Variants in CYP27C1 observed in about 807,000 individuals in gnomAD.
CYP27C1 encodes cytochrome P450 family 27 subfamily C member 1, also known as cytochrome P450 27C1.
In CYP27C1, 29 loss-of-function variants were observed where a neutral mutation model predicts 40.6. The ratio of observed to expected loss-of-function variants is 0.71; its 90% confidence interval spans 0.53 to 0.97. CYP27C1 has a LOEUF of 0.97. Among genes scored for constraint, CYP27C1 ranks in the 50% least tolerant of loss-of-function variants. CYP27C1 has a pLI of 0.00. For missense variants in CYP27C1, 390 were observed against 485.8 expected (o/e 0.80, Z 1.85); for synonymous variants, 198 against 186.8 (o/e 1.06, Z -0.49).
rs1683305673 is a variant in CYP27C1, at chr2:127,209,939, A to C, written c.283-3849T>G. Among the ~76,000 whole-genome samples, 1 of 152,250 alleles carries C rather than the reference A, an allele frequency of 6.6e-6. No homozygotes were observed. Among genetic ancestry groups the C allele is most frequent in the Non-Finnish European group, 1.5e-5 (1 of 68,052 alleles). On this transcript the variant is annotated intron_variant, in intron 1 of 8. Transcript: ENST00000664447. This position sits in a 1 kb window ranked among gnomAD's most constrained non-coding sequence, Gnocchi z 4.1. ...AGAATGGAAACAAGCTGGAAAACAC[A>C]CTTCATGATATTATCAAGGAGAACT...
chr2:127,202,317 G>A (rs796623240), intron 3 of CYP27C1, among the ~76,000 whole-genome samples: 90 of 152,124 alleles, frequency 5.9e-4, no homozygotes, highest in African/African-American at 2.1e-3. Flanking sequence ...GTAGAGACAG[G>A]GTTTCACCAT....
At chr2:127,193,042 C>G in intron 8 of CYP27C1, 52 bp downstream of exon 8, 1 of 1,597,296 alleles carries the variant, frequency 6.3e-7, no homozygotes, top group Non-Finnish European at 8.5e-7. Flanking sequence ...CCTGTTGTGC[C>G]CAGTAGAAAG....
At position 127,218,216 on chromosome 2, in the gene CYP27C1, C is replaced by T. The variant is rs997390293; in HGVS notation, c.282+1773G>A. 3.3e-5 allele frequency among the ~76,000 whole-genome samples: 5 copies of T among 152,098 alleles called. No individual in the cohort carries two copies. Among genetic ancestry groups the T allele is most frequent in the Non-Finnish European group, 7.4e-5 (5 of 68,022 alleles). On this transcript the variant is annotated intron_variant, in intron 1 of 8. Coordinates refer to ENST00000664447, the MANE Select transcript of CYP27C1 (RefSeq NM_001367502.1). This position sits in a 1 kb window ranked among gnomAD's most constrained non-coding sequence, Gnocchi z 6.0. ...GCCACACATCCTGACTGGATACAGG[C>T]TTTAACACGGTCCGTCTCAAAGAAA...
At chr2:127,193,414 G>T in intron 7 of CYP27C1, 117 bp from the exon 8 acceptor site, 2 of 1,200,858 alleles carry the variant, frequency 1.7e-6, no homozygotes, top group Non-Finnish European at 2.4e-6. Context: ...GGGGCCGCCC[G>T]GGTCCACTCA....
At position 127,203,570 on chromosome 2, in the gene CYP27C1, C is replaced by T. The variant is rs761661559; in HGVS notation, c.475G>A (p.Glu159Lys). 6.2e-7 allele frequency: 1 copy of T among 1,608,040 alleles called. No homozygotes were observed. Residue 159 changes from glutamate to lysine, a missense_variant and splice_region_variant, in exon 3 of 9, where the codon GAG (glutamate) becomes AAG (lysine). Coordinates refer to ENST00000664447, the MANE Select transcript of CYP27C1 (RefSeq NM_001367502.1). ...RGRATGLISA[E>K]GEQWLKMRSV... ...CTCATCTTGAGCCACTGTTCACCCT[C>T]CCTAGAAGAATCAAGTGAGTTTCAA... is the stretch of plus-strand genomic sequence containing the variant.
Position 127,209,626 on chromosome 2 carries a change from T to A in CYP27C1, c.283-3536A>T, listed in dbSNP as rs1358486811. On this transcript the variant is annotated intron_variant, in intron 1 of 8. Coordinates refer to ENST00000664447, the MANE Select transcript of CYP27C1 (RefSeq NM_001367502.1). The surrounding 1 kb of genome is among the most constrained non-coding windows in gnomAD (Gnocchi z 4.1). ...GAAGCTAAGAACCTTGATAAAAGGT[T>A]AGAGGAACTGCTAACTAGAATAACC... Among the ~76,000 whole-genome samples, 1 of 152,160 alleles carries A rather than the reference T, an allele frequency of 6.6e-6. No individual in the cohort carries two copies. The highest frequency in any genetic ancestry group is 1.5e-5 in the Non-Finnish European group (1 of 68,038).
rs2104686689 is a variant in CYP27C1 at position 127,201,439 on chromosome 2, T to C, written c.674-108A>G. On this transcript the variant is annotated intron_variant, in intron 3 of 8. Coordinates refer to ENST00000664447, the MANE Select transcript of CYP27C1 (RefSeq NM_001367502.1). This position sits in a 1 kb window ranked among gnomAD's most constrained non-coding sequence, Gnocchi z 6.0. ...TCAAACGTGGTCCAGGTGCCTTTCA[T>C]GAATGAGGCATCGTCCCTCTGAGGA... is the stretch of plus-strand genomic sequence containing the variant. 1.0e-6 allele frequency: 1 copy of C among 994,414 alleles called. No individual in the cohort carries two copies. The highest frequency in any genetic ancestry group is 1.6e-5 in the South Asian group (1 of 64,182). The allele number at this position is 994,414 out of a possible 1,614,324, so 61.6% of individuals were successfully genotyped here.
intron 2 of CYP27C1, among the ~76,000 whole-genome samples, chr2:127,204,535 A>AAGAGAGAGAGAG (rs372686054): frequency 4.3e-5 from 2 of 46,946 alleles, no homozygotes; most frequent in African/African-American, 7.3e-5. Flanking sequence ...GAAAGAAAGA[A>AAGAGAGAGAGAG]AGAGAGAGAG....
chr2:127,215,496 G>C (rs1449108825), intron 1 of CYP27C1, among the ~76,000 whole-genome samples: 1 of 152,060 alleles, frequency 6.6e-6, no homozygotes, highest in Non-Finnish European at 1.5e-5. Flanking sequence ...TCCCTAAAGT[G>C]CAAGTAACAA....
chr2:127,190,605 G>T (rs1682745375), intron 8 of CYP27C1, among the ~76,000 whole-genome samples: 1 of 150,030 alleles, frequency 6.7e-6, no homozygotes, highest in Admixed American at 6.6e-5. Flanking sequence ...CTCCCAAAGT[G>T]CTGGGATTAC....
intron 1 of CYP27C1, among the ~76,000 whole-genome samples, chr2:127,210,055 A>C (rs1480613897): frequency 6.6e-6 from 1 of 152,202 alleles, no homozygotes; most frequent in Non-Finnish European, 1.5e-5. Context: ...ACCCCAAGAC[A>C]CATAGTCATC....
intron 1 of CYP27C1, among the ~76,000 whole-genome samples, chr2:127,211,539 C>T (rs998526539): frequency 2.0e-5 from 3 of 151,810 alleles, no homozygotes; most frequent in East Asian, 1.9e-4. Flanking sequence ...CCCGCTACCA[C>T]GCCCAGCTAA....
Position 127,196,345 on chromosome 2 carries a change from G to A in CYP27C1, c.1048-844C>T, listed in dbSNP as rs1458215441. ...CAAAGTGCTGGGATTACAGGCGTGA[G>A]CCACCACGCCCGGTCAGCCATGTCA... On this transcript the variant is annotated intron_variant, in intron 5 of 8. Coordinates refer to ENST00000664447, the MANE Select transcript of CYP27C1 (RefSeq NM_001367502.1). The surrounding 1 kb of genome is among the most constrained non-coding windows in gnomAD (Gnocchi z 4.5). 6.6e-6 allele frequency among the ~76,000 whole-genome samples: 1 copy of A among 151,808 alleles called. No individual in the cohort carries two copies. Among genetic ancestry groups the A allele is most frequent in the Admixed American group, 6.6e-5 (1 of 15,236 alleles).
rs1052765250 is a variant in CYP27C1, at chr2:127,208,342, A to C, written c.283-2252T>G. On this transcript the variant is annotated intron_variant, in intron 1 of 8. Transcript: ENST00000664447. This position sits in a 1 kb window ranked among gnomAD's most constrained non-coding sequence, Gnocchi z 5.2. ...GAGTGAGCGGGCTACCCAGCTGGGG[A>C]AACTGTGCTTTTTCCACAGAACTGT... Among the ~76,000 whole-genome samples the C allele has an allele frequency of 2.0e-5, 3 of 152,122 alleles. No individual in the cohort carries two copies. The highest frequency in any genetic ancestry group is 7.2e-5 in the African/African-American group (3 of 41,420).
In CYP27C1 at chr2:127,203,391, G is replaced by T; in HGVS notation, c.654C>A (p.Phe218Leu). The T allele has an allele frequency of 6.2e-7, 1 of 1,612,614 alleles. No homozygotes were observed. Among genetic ancestry groups the T allele is most frequent in the Non-Finnish European group, 8.5e-7 (1 of 1,179,574 alleles). The change falls in exon 3 of 9, where the codon TTC (phenylalanine) becomes TTA (leucine). Residue 218 changes from phenylalanine to leucine, a missense_variant. By Grantham distance (22) the Phe-to-Leu change is conservative (BLOSUM62 0). Transcript: ENST00000664447. ...GETVTNVNDL[F>L]FKYSMEGVAT... is the part of the protein sequence containing the mutation. ...CCTCACCTTCCATTGAATATTTGAA[G>T]AAAAGATCATTGACATTGGTCACGG...
chr2:127,204,520 A>AG (rs1683153069), intron 2 of CYP27C1, among the ~76,000 whole-genome samples: 1 of 30,740 alleles, frequency 3.3e-5, no homozygotes, highest in African/African-American at 1.1e-4. Context: ...AAAGAAGGAA[A>AG]GAAAGAAAGA....
Position 127,195,545 on chromosome 2 carries a change from C to T in CYP27C1, c.1048-44G>A, listed in dbSNP as rs770656361. 6.2e-7 allele frequency: 1 copy of T among 1,602,412 alleles called. No individual in the cohort carries two copies. The highest frequency in any genetic ancestry group is 8.5e-7 in the Non-Finnish European group (1 of 1,172,556). On this transcript the variant is annotated intron_variant, in intron 5 of 8. Coordinates refer to ENST00000664447, the MANE Select transcript of CYP27C1 (RefSeq NM_001367502.1). The surrounding 1 kb of genome is among the most constrained non-coding windows in gnomAD (Gnocchi z 6.2). ...AGACACAGGCAGGCAGTGAGTAACA[C>T]CAGGGACTGAAACAGAGGCGGTGGC... is the stretch of plus-strand genomic sequence containing the variant.
chr2:127,190,809 TG>T (rs1462841496), intron 8 of CYP27C1, among the ~76,000 whole-genome samples: 1 of 149,980 alleles, frequency 6.7e-6, no homozygotes, highest in East Asian at 2.0e-4. Flanking sequence ...TAGCTGGGCA[TG>T]GTGGCAGGTG....
chr2:127,215,178 T>C (rs143509466), intron 1 of CYP27C1, among the ~76,000 whole-genome samples: 4 of 151,176 alleles, frequency 2.6e-5, no homozygotes, highest in African/African-American at 9.7e-5. Flanking sequence ...ACCAAGACAG[T>C]GCAGTAATGG....
Sources: gnomAD v4.1 joint callset for allele counts (sites outside exome capture counted in the v4.1 genomes callset) on GRCh38, gnomAD v4.1.1 for gene constraint, Gnocchi (gnomAD v3.1) non-coding constraint, MANE v1.5 for transcripts, NCBI Gene and HGNC (gene_info 2026-07-23, HGNC 2026-07-21) for gene names.